Variants in SLC26A11 observed in about 807,000 individuals in gnomAD.
The protein encoded by SLC26A11 is sodium-independent sulfate anion transporter.
In SLC26A11, 58 loss-of-function variants were observed where a neutral mutation model predicts 62.2. The observed-to-expected ratio is 0.93, with a 90% CI of 0.76 to 1.16. The LOEUF (loss-of-function observed/expected upper bound fraction) is 1.16. Ranked by LOEUF, SLC26A11 falls within the 50% of genes most tolerant of loss-of-function variation. The probability of loss-of-function intolerance (pLI) is 0.00; values close to 1 mark genes in which losing one functional copy is unlikely to be tolerated. For missense variants in SLC26A11, 790 were observed against 794.3 expected (o/e 0.99, Z 0.06); for synonymous variants, 411 against 368.9 (o/e 1.11, Z -1.31).
rs377562892 is a variant in SLC26A11 at position 80,252,761 on chromosome 17, G to A, written c.*45G>A. ...CCACAGTTTGCAGGGTGTTCCGGAA[G>A]GTTCTTGTCACTGTGATTGGATGCT... On this transcript the variant is annotated 3_prime_UTR_variant, in exon 18 of 18. Transcript: ENST00000361193. This position sits in a 1 kb window ranked among gnomAD's most constrained non-coding sequence, Gnocchi z 5.2. 5.8e-6 allele frequency: 9 copies of A among 1,559,512 alleles called. No homozygotes were observed. Among genetic ancestry groups the A allele is most frequent in the Non-Finnish European group, 6.2e-6 (7 of 1,136,886 alleles).
At position 80,246,527 on chromosome 17, in the gene SLC26A11, C is replaced by T. The variant is rs751658402; in HGVS notation, c.1172C>T (p.Ser391Phe). ...CCCGCAGGAGTGCTGGTGCTGCTGT[C>T]TCTGGACTACCTGACCTCACTGTTC... is the stretch of plus-strand genomic sequence containing the variant. ...GLVTGVLVLL[S>F]LDYLTSLFYY... Residue 391 changes from serine to phenylalanine, a missense_variant, in exon 13 of 18, where the codon TCT becomes TTT. Physicochemically the swap from Ser to Phe is radical, Grantham distance 155 (BLOSUM62 -2). Coordinates refer to ENST00000361193, the MANE Select transcript of SLC26A11 (RefSeq NM_001166347.2). The surrounding 1 kb of genome is among the most constrained non-coding windows in gnomAD (Gnocchi z 4.4). 9.9e-6 allele frequency: 16 copies of T among 1,612,552 alleles called. No homozygotes were observed. The highest frequency in any genetic ancestry group is 1.3e-5 in the African/African-American group (1 of 75,056).
chr17:80,248,689 G>C lies in SLC26A11; in HGVS notation c.1522+15G>C. The C allele has an allele frequency of 6.4e-7, 1 of 1,556,222 alleles. No homozygotes were observed. The highest frequency in any genetic ancestry group is 8.7e-7 in the Non-Finnish European group (1 of 1,149,700). On this transcript the variant is annotated intron_variant, in intron 15 of 17. Coordinates refer to ENST00000361193, the MANE Select transcript of SLC26A11 (RefSeq NM_001166347.2). ...GGCCCTGGAAGGTGCATGGGCGGGG[G>C]TCAAGGTGGTCTGAGGTCACTCCCC... is the stretch of plus-strand genomic sequence containing the variant.
intron 7 of SLC26A11, among the ~76,000 whole-genome samples, chr17:80,229,553 G>T (rs1024084623): frequency 6.6e-6 from 1 of 151,390 alleles, no homozygotes; most frequent in African/African-American, 2.4e-5. Flanking sequence ...CCTCAGCCTC[G>T]CGAGTAGCTG....
intron 9 of SLC26A11, among the ~76,000 whole-genome samples, chr17:80,240,486 T>C (rs2042830940): frequency 6.6e-6 from 1 of 151,940 alleles, no homozygotes; most frequent in African/African-American, 2.4e-5. Flanking sequence ...TCTCAACTGG[T>C]CATAAAGAGG....
chr17:80,225,330 C>T (rs1161078356), intron 5 of SLC26A11, among the ~76,000 whole-genome samples: 1 of 152,242 alleles, frequency 6.6e-6, no homozygotes, highest in African/African-American at 2.4e-5. Context: ...CCTCAGAGCC[C>T]TCCACATCTG....
At chr17:80,238,825 T>TG (rs1567958692) in intron 9 of SLC26A11, among the ~76,000 whole-genome samples, 1 of 135,784 alleles carries the variant, frequency 7.4e-6, no homozygotes, top group Non-Finnish European at 1.5e-5. Flanking sequence ...TTTTTGTTTT[T>TG]TGTTTTTTTT....
intron 7 of SLC26A11, among the ~76,000 whole-genome samples, chr17:80,235,891 A>G (rs1045964474): frequency 1.3e-5 from 2 of 152,214 alleles, no homozygotes; most frequent in Non-Finnish European, 2.9e-5. Context: ...TTGGCCCACC[A>G]CTTGATTTTG....
chr17:80,245,890 C>G (rs949172453), intron 11 of SLC26A11, among the ~76,000 whole-genome samples: 3 of 152,204 alleles, frequency 2.0e-5, no homozygotes, highest in African/African-American at 4.8e-5. Flanking sequence ...GGGGCCCCAC[C>G]TGGATGGGGG....
chr17:80,236,427 G>C (rs2042692355), intron 7 of SLC26A11, among the ~76,000 whole-genome samples: 1 of 152,202 alleles, frequency 6.6e-6, no homozygotes, highest in South Asian at 2.1e-4. Flanking sequence ...CATACACATG[G>C]GGACCATCGG....
At chr17:80,243,483 C>T (rs1320579244) in intron 10 of SLC26A11, among the ~76,000 whole-genome samples, 10 of 152,160 alleles carry the variant, frequency 6.6e-5, no homozygotes, top group East Asian at 3.9e-4. Flanking sequence ...CTGCAACCTC[C>T]GTCTCCTGGG....
At position 80,222,811 on chromosome 17, in the gene SLC26A11, G is replaced by C. The variant is rs374746901; in HGVS notation, c.391G>C (p.Gly131Arg). ...AYAVLLAFLSGCIQLAMGVLR... is the reference protein window; with the variant it reads ...AYAVLLAFLSRCIQLAMGVLR... ...CGCTGTGCTGCTGGCCTTCCTGTCC[G>C]GCTGCATCCAGCTGGCCATGGGGGT... Residue 131 changes from glycine to arginine, a missense_variant, in exon 4 of 18, where the codon GGC becomes CGC. Coordinates refer to ENST00000361193, the MANE Select transcript of SLC26A11 (RefSeq NM_001166347.2). This position sits in a 1 kb window ranked among gnomAD's most constrained non-coding sequence, Gnocchi z 4.7. 4 of 1,614,144 alleles carry C rather than the reference G, an allele frequency of 2.5e-6. No individual in the cohort carries two copies. The South Asian group carries it at 4.4e-5, about 18-fold the overall frequency.
Position 80,245,207 on chromosome 17 carries a change from ATGT to A in SLC26A11, c.1051_1053del (p.Leu351del), listed in dbSNP as rs768843551. On this transcript the variant is annotated inframe_deletion, in exon 11 of 18. Coordinates refer to ENST00000361193, the MANE Select transcript of SLC26A11 (RefSeq NM_001166347.2). ...TGCCTCCTCCCCAGGTCTCACCAACATGTTGGGCTCCCTCGTCTCCTCCTACCC... is the reference window on the plus strand; with the variant it reads ...TGCCTCCTCCCCAGGTCTCACCAACATGGGCTCCCTCGTCTCCTCCTACCC... The A allele has an allele frequency of 3.7e-6, 6 of 1,613,380 alleles. No homozygotes were observed. The African/African-American group carries it at 8.0e-5, about 22-fold the overall frequency.
intron 16 of SLC26A11, among the ~76,000 whole-genome samples, chr17:80,249,918 C>T (rs535718542): frequency 1.1e-4 from 17 of 151,742 alleles, no homozygotes; most frequent in African/African-American, 3.9e-4. Flanking sequence ...AACAAACAAA[C>T]GAAAAAAAAC....
At chr17:80,241,663 A>G in intron 9 of SLC26A11, 108 bp from the exon 10 acceptor site, 1 of 1,171,350 alleles carries the variant, frequency 8.5e-7, no homozygotes. Context: ...TAGATTTACA[A>G]AACTTATTGC....
chr17:80,245,731 G>C (rs1315758597), intron 11 of SLC26A11, among the ~76,000 whole-genome samples: 1 of 152,238 alleles, frequency 6.6e-6, no homozygotes. Context: ...TCCTGAAGCA[G>C]CCGGGCATGA....
chr17:80,222,165 A>G lies in SLC26A11; in HGVS notation c.234+371A>G. On this transcript the variant is annotated intron_variant, in intron 3 of 17. Transcript: ENST00000361193. This position sits in a 1 kb window ranked among gnomAD's most constrained non-coding sequence, Gnocchi z 4.7. ...GCCGAGGCAGGCGGATCGCAAGGTCAGGAGATGGAGACCATCCTGGCTAAC... is the reference window on the plus strand; with the variant it reads ...GCCGAGGCAGGCGGATCGCAAGGTCGGGAGATGGAGACCATCCTGGCTAAC... The G allele has an allele frequency of 4.6e-6, 1 of 219,262 alleles. No homozygotes were observed. The highest frequency in any genetic ancestry group is 8.9e-6 in the Non-Finnish European group (1 of 112,056). The allele number at this position is 219,262 out of a possible 1,614,324, so 13.6% of individuals were successfully genotyped here. A position where few individuals can be genotyped will look rare whatever the true frequency, so the allele number is the denominator to read the frequency against.
chr17:80,222,510 G>C lies in SLC26A11; in HGVS notation c.235-145G>C. 1.2e-6 allele frequency: 1 copy of C among 805,858 alleles called. No individual in the cohort carries two copies. Among genetic ancestry groups the C allele is most frequent in the Non-Finnish European group, 2.0e-6 (1 of 511,028 alleles). 49.9% of individuals were successfully genotyped at this position (805,858 alleles called of 1,614,324 possible). On this transcript the variant is annotated intron_variant, in intron 3 of 17. Coordinates refer to ENST00000361193, the MANE Select transcript of SLC26A11 (RefSeq NM_001166347.2). The surrounding 1 kb of genome is among the most constrained non-coding windows in gnomAD (Gnocchi z 4.7). The stretch of plus-strand genomic sequence containing the variant: ...AAAAGTGGCCTCCTGATCACTGCAG[G>C]TCCACCCACAGGGCAGGGCGGTGCA...
Position 80,246,613 on chromosome 17 carries a change from G to A in SLC26A11, c.1258G>A (p.Asp420Asn), listed in dbSNP as rs371059198. 7.6e-5 allele frequency: 123 copies of A among 1,613,778 alleles called. No homozygotes were observed. The highest frequency in any genetic ancestry group is 9.9e-5 in the Non-Finnish European group (117 of 1,179,986). The change falls in exon 13 of 18, where the codon GAC becomes AAC. Residue 420 changes from aspartate to asparagine, a missense_variant. By Grantham distance (23) the Asp-to-Asn change is conservative. Coordinates refer to ENST00000361193, the MANE Select transcript of SLC26A11 (RefSeq NM_001166347.2). This position sits in a 1 kb window ranked among gnomAD's most constrained non-coding sequence, Gnocchi z 4.4. ...CATCATGGCCGTGGCCCCGCTGTTC[G>A]ACACCAAGATCTTCAGGACGCTCTG... Reference protein sequence around the residue: ...VIIMAVAPLFDTKIFRTLWRV... With the variant: ...VIIMAVAPLFNTKIFRTLWRV...
At chr17:80,220,718 TCTC>T (rs1404812819) in intron 1 of SLC26A11, among the ~76,000 whole-genome samples, 195 bp from the exon 2 acceptor site, 2 of 149,946 alleles carry the variant, frequency 1.3e-5, no homozygotes, top group African/African-American at 5.0e-5. Flanking sequence ...TGGCGCAGGG[TCTC>T]CTCCGGAGAC....
Sources: gnomAD v4.1 joint callset for allele counts (sites outside exome capture counted in the v4.1 genomes callset) on GRCh38, gnomAD v4.1.1 for gene constraint, Gnocchi (gnomAD v3.1) non-coding constraint, MANE v1.5 for transcripts, NCBI Gene and HGNC (gene_info 2026-07-23, HGNC 2026-07-21) for gene names.